ZC3H14: variants seen among roughly 807,000 people sequenced by gnomAD.
The protein encoded by ZC3H14 is zinc finger CCCH domain-containing protein 14.
Under a neutral mutation model 92.4 loss-of-function variants are expected in ZC3H14, and 31 were observed. The observed-to-expected ratio is 0.34, with a 90% CI of 0.25 to 0.45. The LOEUF is 0.45. Among genes scored for constraint, ZC3H14 ranks in the 20% least tolerant of loss-of-function variants. The probability of loss-of-function intolerance (pLI) is 1.00; values close to 1 mark genes in which losing one functional copy is unlikely to be tolerated. For synonymous variants in ZC3H14, 321 were observed against 300.9 expected, an observed-to-expected ratio of 1.07 and a Z score of -0.69; for missense variants, 781 against 897.3, an observed-to-expected ratio of 0.87 and a Z score of 1.66.
chr14:88,621,729 A>C lies in ZC3H14; in HGVS notation c.*9978A>C. On this transcript the variant is annotated 3_prime_UTR_variant, in exon 17 of 17. Coordinates refer to ENST00000251038, the MANE Select transcript of ZC3H14 (RefSeq NM_024824.5). Reference sequence around the variant, plus strand: ...ATCCGTATGATTTATAAATACACTTAATAAGTACAAACACGCTCAAAAATT... The same window carrying C: ...ATCCGTATGATTTATAAATACACTTCATAAGTACAAACACGCTCAAAAATT... The C allele has an allele frequency of 3.2e-6, 1 of 308,994 alleles. No homozygotes were observed. Among genetic ancestry groups the C allele is most frequent in the Non-Finnish European group, 6.5e-6 (1 of 154,932 alleles). The allele number at this position is 308,994 out of a possible 1,614,324, so 19.1% of individuals were successfully genotyped here.
intron 9 of ZC3H14, chr14:88,591,800 ATTATAC>A (rs1373619731): frequency 1.3e-5 from 2 of 152,220 alleles, no homozygotes; most frequent in African/African-American, 4.8e-5. Context: ...TAAAGCAGGA[ATTATAC>A]TACCCAGAGT....
In ZC3H14 at chr14:88,624,647, G is replaced by A. The variant is rs2089636939; in HGVS notation, c.*12896G>A. 1 of 225,626 alleles carries A rather than the reference G, an allele frequency of 4.4e-6. No individual in the cohort carries two copies. The highest frequency in any genetic ancestry group is 8.6e-6 in the Non-Finnish European group (1 of 116,140). 14.0% of individuals were successfully genotyped at this position (225,626 alleles called of 1,614,324 possible). ...AGCAGGCAGTCAAAATACAACCCTG[G>A]CTCCAGATTCCCCCATGGGCCTCCT... On this transcript the variant is annotated 3_prime_UTR_variant, in exon 17 of 17. Transcript: ENST00000251038.
At chr14:88,599,486 TG>T (rs1414705376) in intron 10 of ZC3H14, among the ~76,000 whole-genome samples, 1 of 152,176 alleles carries the variant, frequency 6.6e-6, no homozygotes, top group Non-Finnish European at 1.5e-5. Context: ...CCCGTCTGTC[TG>T]GTCTCCATGT....
Position 88,626,731 on chromosome 14 carries a change from A to G in ZC3H14, c.*14980A>G. 3.6e-6 allele frequency: 4 copies of G among 1,103,642 alleles called. No individual in the cohort carries two copies. Among genetic ancestry groups the G allele is most frequent in the Non-Finnish European group, 3.9e-6 (3 of 762,808 alleles). 68.4% of individuals were successfully genotyped at this position (1,103,642 alleles called of 1,614,324 possible). A position where few individuals can be genotyped will look rare whatever the true frequency, so the allele number is the denominator to read the frequency against. ...ATATGCTTGACCAGGGCATGTAATG[A>G]TTAGCAGATCACAGTATCATCTCAA... On this transcript the variant is annotated 3_prime_UTR_variant, in exon 17 of 17. Coordinates refer to ENST00000251038, the MANE Select transcript of ZC3H14 (RefSeq NM_024824.5).
intron 9 of ZC3H14, chr14:88,589,206 A>G (rs1080569): frequency 2.0e-5 from 3 of 152,054 alleles, no homozygotes; most frequent in Non-Finnish European, 4.4e-5. Context: ...TTAGCTTTCA[A>G]TGAAGCAGAC....
At chr14:88,574,484 C>G in intron 6 of ZC3H14, 2 of 524,704 alleles carry the variant, frequency 3.8e-6, no homozygotes, top group South Asian at 2.0e-5. Flanking sequence ...ACCTTGTGAT[C>G]CGCCCACTTC....
At chr14:88,609,564 A>G (rs2086192030) in intron 14 of ZC3H14, 148 bp from the exon 15 acceptor site, 2 of 1,347,922 alleles carry the variant, frequency 1.5e-6, no homozygotes, top group Non-Finnish European at 2.1e-6. Flanking sequence ...TATCTGTAGT[A>G]TTCCGAAGTA....
At chr14:88,570,009 A>T (rs749614034) in intron 3 of ZC3H14, among the ~76,000 whole-genome samples, 3 of 151,228 alleles carry the variant, frequency 2.0e-5, no homozygotes, top group African/African-American at 7.3e-5. Flanking sequence ...TGTGAGTACT[A>T]TTTTTTTTTC....
chr14:88,596,774 C>T lies in ZC3H14; in HGVS notation c.1320C>T (p.Asp440=). ...QRQLLSRLQI[D]PVMAETLQMS... ...AATTATTATCCCGACTGCAAATCGA[C>T]CCAGTAATGGCAGAAACTCTGCAGA... Residue 440 remains aspartate (D), a synonymous_variant, in exon 10 of 17, where the codon GAC becomes GAT. Coordinates refer to ENST00000251038, the MANE Select transcript of ZC3H14 (RefSeq NM_024824.5). 3 of 1,614,026 alleles carry T rather than the reference C, an allele frequency of 1.9e-6. No homozygotes were observed. Among genetic ancestry groups the T allele is most frequent in the Non-Finnish European group, 2.5e-6 (3 of 1,179,972 alleles).
chr14:88,611,944 G>A lies in ZC3H14; in HGVS notation c.*193G>A. 3 of 734,500 alleles carry A rather than the reference G, an allele frequency of 4.1e-6. No homozygotes were observed. The East Asian group carries it at 8.3e-5, about 20-fold the overall frequency. The allele number at this position is 734,500 out of a possible 1,614,324, so 45.5% of individuals were successfully genotyped here. ...GTTTATTATGTGGTTTTAACATTGG[G>A]TGTTTTTGTTTTGTTTTTACTATGA... On this transcript the variant is annotated 3_prime_UTR_variant, in exon 17 of 17. Coordinates refer to ENST00000251038, the MANE Select transcript of ZC3H14 (RefSeq NM_024824.5).
intron 13 of ZC3H14, 126 bp downstream of exon 13, chr14:88,607,489 C>T: frequency 9.0e-7 from 1 of 1,114,300 alleles, no homozygotes; most frequent in South Asian, 1.2e-5. Context: ...CCATCCCCCA[C>T]ATCTCAACCC....
intron 9 of ZC3H14, among the ~76,000 whole-genome samples, chr14:88,595,594 G>A (rs1452481347): frequency 6.6e-6 from 1 of 151,994 alleles, no homozygotes; most frequent in East Asian, 1.9e-4. Context: ...GTTTTTTTAT[G>A]GTAATAATTC....
In ZC3H14 at chr14:88,616,214, G is replaced by A. The variant is rs764413285; in HGVS notation, c.*4463G>A. 7 of 1,613,864 alleles carry A rather than the reference G, an allele frequency of 4.3e-6. No homozygotes were observed. The Admixed American group carries it at 5.0e-5, about 12-fold the overall frequency. On this transcript the variant is annotated 3_prime_UTR_variant, in exon 17 of 17. Transcript: ENST00000251038. ...AAATCGAATATTTGTCACATGGGGC[G>A]AATGACCCAAGAACCTTTTGTGTTT... is the stretch of plus-strand genomic sequence containing the variant.
In ZC3H14 at chr14:88,574,796, G is replaced by A. The variant is rs769129640; in HGVS notation, c.965G>A (p.Gly322Glu). 6.2e-7 allele frequency: 1 copy of A among 1,614,106 alleles called. No individual in the cohort carries two copies. Reference sequence around the variant, plus strand: ...GAGGAGGAAGAAGATGATGATTACGGGTCTCGAACAGGAAGCATCTCCAGC... The same window carrying A: ...GAGGAGGAAGAAGATGATGATTACGAGTCTCGAACAGGAAGCATCTCCAGC... ...GEEEEEDDDY[G>E]SRTGSISSSV... Residue 322 changes from glycine to glutamate, a missense_variant, in exon 7 of 17, where the codon GGG (glycine) becomes GAG (glutamate). Around this residue, in one of 3 missense-constraint regions of ZC3H14, gnomAD observed 454 missense variants for 438.5 expected, o/e 1.04. Coordinates refer to ENST00000251038, the MANE Select transcript of ZC3H14 (RefSeq NM_024824.5).
chr14:88,574,314 T>A, intron 6 of ZC3H14: 1 of 250,284 alleles, frequency 4.0e-6, no homozygotes, highest in Non-Finnish European at 7.8e-6. Flanking sequence ...GGCATGATCT[T>A]GGCTCCCTAC....
chr14:88,609,943 C>A, intron 15 of ZC3H14, 140 bp downstream of exon 15: 1 of 912,590 alleles, frequency 1.1e-6, no homozygotes. Context: ...TGTTCCTCGT[C>A]ACTGAACCTC....
At chr14:88,567,107 A>G (rs889536668) in intron 2 of ZC3H14, among the ~76,000 whole-genome samples, 1 of 21,024 alleles carries the variant, frequency 4.8e-5, no homozygotes, top group African/African-American at 8.8e-5. Flanking sequence ...GGCTTCTTTT[A>G]TTTATTTTAT....
chr14:88,626,352 TG>T lies in ZC3H14; in HGVS notation c.*14603del, dbSNP rs887455341. 6.4e-6 allele frequency: 1 copy of T among 155,542 alleles called. No individual in the cohort carries two copies. Among genetic ancestry groups the T allele is most frequent in the African/African-American group, 2.4e-5 (1 of 41,440 alleles). 9.6% of individuals were successfully genotyped at this position (155,542 alleles called of 1,614,324 possible). The stretch of plus-strand genomic sequence containing the variant: ...ATGTTCATCAGAATCCTTATTATGG[TG>T]GCTCATGCCTGTAAACCCAGCACTT... On this transcript the variant is annotated 3_prime_UTR_variant, in exon 17 of 17. Transcript: ENST00000251038.
At position 88,573,022 on chromosome 14, in the gene ZC3H14, T is replaced by A; in HGVS notation, c.861+15T>A. On this transcript the variant is annotated intron_variant, in intron 6 of 16. Transcript: ENST00000251038. ...TGAGTATGGAGGTTTGTATGTACTTTTAAATTCTGGCTTAGGCTAAAAATC... is the reference window on the plus strand; with the variant it reads ...TGAGTATGGAGGTTTGTATGTACTTATAAATTCTGGCTTAGGCTAAAAATC... The A allele has an allele frequency of 6.2e-7, 1 of 1,613,292 alleles. No homozygotes were observed. Among genetic ancestry groups the A allele is most frequent in the Non-Finnish European group, 8.5e-7 (1 of 1,179,970 alleles).
Sources: allele counts gnomAD v4.1 joint callset (sites outside exome capture counted in the v4.1 genomes callset), GRCh38; gene constraint gnomAD v4.1.1; regional missense constraint gnomAD v4.1.1; transcripts MANE v1.5; gene names NCBI Gene and HGNC (gene_info 2026-07-23, HGNC 2026-07-21).